Variants in RUNX1 observed in about 807,000 individuals in gnomAD.
The protein encoded by RUNX1 is RUNX family transcription factor 1.
RUNX1 carries 19 observed loss-of-function variants against 42.8 expected under a neutral mutation model. That is an observed-to-expected ratio of 0.44 (90% CI 0.31 to 0.65). The LOEUF (loss-of-function observed/expected upper bound fraction) is 0.65, where lower values mean the gene tolerates loss of function less well. RUNX1 is among the 30% of genes least tolerant of loss of function. The probability of loss-of-function intolerance (pLI) is 0.07; values close to 1 mark genes in which losing one functional copy is unlikely to be tolerated. For missense variants in RUNX1, 528 were observed against 672.0 expected, an observed-to-expected ratio of 0.79 and a Z score of 2.37; for synonymous variants, 271 against 289.4, an observed-to-expected ratio of 0.94 and a Z score of 0.64.
intron 2 of RUNX1, among the ~76,000 whole-genome samples, chr21:35,026,191 C>T (rs1352664790): frequency 6.6e-6 from 1 of 152,176 alleles, no homozygotes; most frequent in Non-Finnish European, 1.5e-5. Flanking sequence ...TTTTTCAGCT[C>T]CTGTAAAACT....
At chr21:34,859,188 G>A (rs2057535624) in intron 6 of RUNX1, 1 of 467,560 alleles carries the variant, frequency 2.1e-6, no homozygotes, top group African/African-American at 2.0e-5. Context: ...GTATATTGAG[G>A]AAGCAGTCCT....
intron 5 of RUNX1, among the ~76,000 whole-genome samples, chr21:34,875,523 G>C (rs1362068816): frequency 6.6e-6 from 1 of 152,064 alleles, no homozygotes; most frequent in Non-Finnish European, 1.5e-5. Flanking sequence ...AAATGGGAGA[G>C]TTGATTTTAA....
intron 4 of RUNX1, among the ~76,000 whole-genome samples, chr21:34,885,507 T>G (rs1009240352): frequency 1.3e-5 from 2 of 152,160 alleles, no homozygotes; most frequent in Non-Finnish European, 2.9e-5. Context: ...CAAAAAAAAC[T>G]GCTTTTAGAA....
intron 2 of RUNX1, among the ~76,000 whole-genome samples, chr21:35,026,041 C>A (rs1297079678): frequency 1.3e-5 from 2 of 152,020 alleles, no homozygotes; most frequent in Non-Finnish European, 2.9e-5. Context: ...TCTGGTGCAC[C>A]GTGGCACAGG....
chr21:34,846,074 C>G (rs1428405888), intron 6 of RUNX1, among the ~76,000 whole-genome samples: 1 of 152,076 alleles, frequency 6.6e-6, no homozygotes, highest in Non-Finnish European at 1.5e-5. Context: ...GTCAACAGAA[C>G]TCACACCATC....
At chr21:34,926,298 G>A (rs1427543124) in intron 2 of RUNX1, among the ~76,000 whole-genome samples, 1 of 150,936 alleles carries the variant, frequency 6.6e-6, no homozygotes, top group Non-Finnish European at 1.5e-5. Flanking sequence ...AACATAGTGG[G>A]ACCCCATCTC....
At chr21:34,961,351 A>C (rs2058680558) in intron 2 of RUNX1, among the ~76,000 whole-genome samples, 1 of 150,996 alleles carries the variant, frequency 6.6e-6, no homozygotes, top group South Asian at 2.1e-4. Flanking sequence ...GCAAGACTCT[A>C]TCTCAAAATA....
intron 5 of RUNX1, among the ~76,000 whole-genome samples, chr21:34,871,307 T>C (rs1268988146): frequency 6.6e-6 from 1 of 152,192 alleles, no homozygotes; most frequent in African/African-American, 2.4e-5. Flanking sequence ...GGATAGTTAA[T>C]GCTTACTAGT....
At chr21:34,844,880 C>G (rs1182670451) in intron 6 of RUNX1, among the ~76,000 whole-genome samples, 1 of 152,240 alleles carries the variant, frequency 6.6e-6, no homozygotes, top group Non-Finnish European at 1.5e-5. Context: ...CTGGCTGGTA[C>G]AGAAGGACAG....
chr21:34,886,932 C>T lies in RUNX1; in HGVS notation c.262G>A (p.Glu88Lys), dbSNP rs1235407698. The T allele has an allele frequency of 6.2e-7, 1 of 1,613,086 alleles. No individual in the cohort carries two copies. Among genetic ancestry groups the T allele is most frequent in the Non-Finnish European group, 8.5e-7 (1 of 1,179,728 alleles). The change falls in exon 4 of 9, where the codon GAG becomes AAG. Residue 88 changes from glutamate (E) to lysine (K), a missense_variant. Glu to Lys is a moderately conservative substitution (Grantham distance 56). Around this residue, in one of 3 missense-constraint regions of RUNX1, gnomAD observed 83 missense variants for 174.5 expected, o/e 0.48. Transcript: ENST00000675419. ...MVEVLADHPG[E>K]LVRTDSPNFL... ...TTGGGGCTGTCGGTGCGCACCAGCT[C>T]GCCCGGGTGGTCGGCCAGCACCTCC... is the stretch of plus-strand genomic sequence containing the variant.
At chr21:35,043,793 C>T (rs1476014187) in intron 2 of RUNX1, among the ~76,000 whole-genome samples, 2 of 152,298 alleles carry the variant, frequency 1.3e-5, no homozygotes, top group African/African-American at 4.8e-5. Context: ...TCCAACAAGA[C>T]AAGCCATCAA....
At chr21:34,970,725 T>C (rs1318155137) in intron 2 of RUNX1, among the ~76,000 whole-genome samples, 1 of 152,196 alleles carries the variant, frequency 6.6e-6, no homozygotes, top group Non-Finnish European at 1.5e-5. Flanking sequence ...GGCACCATGG[T>C]TGTGTTCTTG....
In RUNX1 at chr21:34,837,302, T is replaced by C. The variant is rs543278696; in HGVS notation, c.614-2701A>G. ...TTCCTGGGAGTCAGTAGGAACGTTATTGCCTTGGTAGGGGTCTTGACCCTC... is the reference window on the plus strand; with the variant it reads ...TTCCTGGGAGTCAGTAGGAACGTTACTGCCTTGGTAGGGGTCTTGACCCTC... On this transcript the variant is annotated intron_variant, in intron 6 of 8. Transcript: ENST00000675419. Among the ~76,000 whole-genome samples, 4 of 152,280 alleles carry C rather than the reference T, an allele frequency of 2.6e-5. No individual in the cohort carries two copies. In the East Asian group the frequency reaches 5.8e-4, roughly 22 times the overall value.
chr21:34,913,319 G>A (rs2058287279), intron 2 of RUNX1, among the ~76,000 whole-genome samples: 1 of 152,148 alleles, frequency 6.6e-6, no homozygotes, highest in Non-Finnish European at 1.5e-5. Flanking sequence ...ACTTTTCTCT[G>A]GGATGAACTG....
chr21:34,995,920 G>T (rs1470136434), intron 2 of RUNX1, among the ~76,000 whole-genome samples: 1 of 152,104 alleles, frequency 6.6e-6, no homozygotes, highest in African/African-American at 2.4e-5. Context: ...ATATGTACGT[G>T]TTTCTTTTTA....
At chr21:34,849,323 T>A (rs796185917) in intron 6 of RUNX1, among the ~76,000 whole-genome samples, 1 of 33,128 alleles carries the variant, frequency 3.0e-5, no homozygotes, top group Non-Finnish European at 5.9e-5. Flanking sequence ...TATATATATA[T>A]TATATATACT....
chr21:34,898,238 G>A (rs1000574259), intron 2 of RUNX1, among the ~76,000 whole-genome samples: 1 of 152,148 alleles, frequency 6.6e-6, no homozygotes, highest in Admixed American at 6.5e-5. Context: ...TGGATTTTTG[G>A]CCTTATGAAG....
intron 2 of RUNX1, among the ~76,000 whole-genome samples, chr21:35,044,942 GC>G (rs1466660550): frequency 1.3e-5 from 2 of 152,190 alleles, no homozygotes; most frequent in Non-Finnish European, 2.9e-5. Context: ...GTTGCTCCAT[GC>G]CCCTGTACTC....
In RUNX1 at chr21:34,834,543, C is replaced by A; in HGVS notation, c.672G>T (p.Arg224=). ...TKPGSLSFSE[R]LSELEQLRRT... ...GCCGCAGCTGCTCCAGTTCACTGAG[C>A]CGCTCGGAAAAGGACAAGCTCCCGG... is the stretch of plus-strand genomic sequence containing the variant. The change falls in exon 7 of 9, where the codon CGG becomes CGT. Residue 224 remains arginine, a synonymous_variant. Transcript: ENST00000675419. The A allele has an allele frequency of 1.2e-6, 2 of 1,612,714 alleles. No individual in the cohort carries two copies. Among genetic ancestry groups the A allele is most frequent in the Non-Finnish European group, 1.7e-6 (2 of 1,179,958 alleles).
Sources: gnomAD v4.1 joint callset for allele counts (sites outside exome capture counted in the v4.1 genomes callset) on GRCh38, gnomAD v4.1.1 for gene constraint, gnomAD v4.1.1 regional missense constraint, MANE v1.5 for transcripts, NCBI Gene and HGNC (gene_info 2026-07-23, HGNC 2026-07-21) for gene names.